GABRG3: variants seen among roughly 807,000 people sequenced by gnomAD.
GABRG3 encodes gamma-aminobutyric acid receptor subunit gamma-3.
A neutral mutation model predicts 48.8 loss-of-function variants in GABRG3; 25 were observed. The observed-to-expected ratio is 0.51, with a 90% CI of 0.37 to 0.72. The LOEUF is 0.72. Ranked by LOEUF, GABRG3 falls within the 30% of genes least tolerant of loss-of-function variation. The probability of loss-of-function intolerance (pLI) is 0.00; values close to 1 mark genes in which losing one functional copy is unlikely to be tolerated. For synonymous variants in GABRG3, 227 were observed against 217.6 expected (o/e 1.04, Z -0.38); for missense variants, 394 against 577.9 (o/e 0.68, Z 3.26).
chr15:27,454,451 A>G (rs1476731488), intron 5 of GABRG3, among the ~76,000 whole-genome samples: 1 of 152,138 alleles, frequency 6.6e-6, no homozygotes, highest in Non-Finnish European at 1.5e-5. Flanking sequence ...AAACTGAAAA[A>G]CATGGTAGAA....
At chr15:27,193,497 C>T (rs1440186306) in intron 3 of GABRG3, among the ~76,000 whole-genome samples, 1 of 151,954 alleles carries the variant, frequency 6.6e-6, no homozygotes, top group Non-Finnish European at 1.5e-5. Context: ...ATCAGCGAGA[C>T]TCCGTGGGCG....
chr15:27,450,501 C>T (rs1889076816), intron 5 of GABRG3, among the ~76,000 whole-genome samples: 1 of 151,918 alleles, frequency 6.6e-6, no homozygotes, highest in South Asian at 2.1e-4. Context: ...AAGCATTTGC[C>T]AAAAATTCAA....
rs77615919 is a variant in GABRG3 at position 27,415,785 on chromosome 15, G to C, written c.575-64865G>C. On this transcript the variant is annotated intron_variant, in intron 5 of 9. Transcript: ENST00000615808. The stretch of plus-strand genomic sequence containing the variant: ...AAGACCCCAATTCACTCTGCCAAAA[G>C]AAAGATTAAGCTGGAAGTGGGGCCA... 5.0e-3 allele frequency among the ~76,000 whole-genome samples: 767 copies of C among 152,304 alleles called. 2 individuals are homozygous for C. Among genetic ancestry groups the C allele is most frequent in the South Asian group, 9.9e-3 (48 of 4,826 alleles).
intron 3 of GABRG3, among the ~76,000 whole-genome samples, chr15:27,277,327 G>T (rs941386411): frequency 6.6e-5 from 10 of 152,314 alleles, no homozygotes; most frequent in Non-Finnish European, 8.8e-5. Flanking sequence ...CTGTTTTCCA[G>T]CCTTCTCTCC....
intron 2 of GABRG3, among the ~76,000 whole-genome samples, chr15:26,980,267 T>A (rs2140637343): frequency 6.6e-6 from 1 of 152,330 alleles, no homozygotes; most frequent in African/African-American, 2.4e-5. Context: ...ACTTTTTGTA[T>A]GATAGTTTTT....
chr15:26,998,920 G>A (rs1278841258), intron 2 of GABRG3, among the ~76,000 whole-genome samples: 1 of 152,038 alleles, frequency 6.6e-6, no homozygotes, highest in African/African-American at 2.4e-5. Flanking sequence ...GATTTTAAAT[G>A]CTTTAAAAAA....
intron 3 of GABRG3, among the ~76,000 whole-genome samples, chr15:27,088,856 A>G (rs566361665): frequency 1.3e-5 from 2 of 152,092 alleles, no homozygotes; most frequent in Non-Finnish European, 2.9e-5. Flanking sequence ...TGCACTTTGC[A>G]GTAGAGGACT....
At chr15:27,254,771 A>C (rs1890560876) in intron 3 of GABRG3, among the ~76,000 whole-genome samples, 1 of 151,932 alleles carries the variant, frequency 6.6e-6, no homozygotes, top group Non-Finnish European at 1.5e-5. Context: ...TTTGGGGGGG[A>C]CACAAACACC....
intron 3 of GABRG3, among the ~76,000 whole-genome samples, chr15:27,055,524 C>A (rs1210359011): frequency 2.0e-5 from 3 of 152,174 alleles, no homozygotes; most frequent in Non-Finnish European, 4.4e-5. Flanking sequence ...AAATCCCACA[C>A]CTGACCTCAC....
chr15:27,104,826 C>T (rs563688708), intron 3 of GABRG3, among the ~76,000 whole-genome samples: 1 of 152,286 alleles, frequency 6.6e-6, no homozygotes, highest in Non-Finnish European at 1.5e-5. Flanking sequence ...CTATGTGGAA[C>T]TATACATTTT....
chr15:27,174,588 C>A (rs1483030570), intron 3 of GABRG3, among the ~76,000 whole-genome samples: 1 of 100,384 alleles, frequency 1.0e-5, no homozygotes, highest in East Asian at 3.5e-4. Context: ...TCTCTCGTCT[C>A]TCTCTCTCTC....
chr15:26,972,675 G>T (rs1683892479), intron 1 of GABRG3, among the ~76,000 whole-genome samples: 2 of 152,180 alleles, frequency 1.3e-5, no homozygotes, highest in Admixed American at 1.3e-4. Context: ...ATGCCAGGAG[G>T]CCTTGCCTTT....
chr15:27,432,407 T>C (rs1010601329), intron 5 of GABRG3, among the ~76,000 whole-genome samples: 1 of 152,190 alleles, frequency 6.6e-6, no homozygotes, highest in South Asian at 2.1e-4. Context: ...ACATTTACAC[T>C]GTCTTTTACA....
chr15:27,140,263 C>T lies in GABRG3; in HGVS notation c.270+113442C>T, dbSNP rs73371688. Among the ~76,000 whole-genome samples, 1,101 of 152,174 alleles carry T rather than the reference C, an allele frequency of 7.2e-3. 20 individuals carry two copies. The highest frequency in any genetic ancestry group is 0.025 in the African/African-American group (1,055 of 41,492). On this transcript the variant is annotated intron_variant, in intron 3 of 9. Transcript: ENST00000615808. ...GCGGGGCAGTCTTGGAGACTGAGCC[C>T]TCAACCCGTGAGGGCTGACGCTATC...
At chr15:27,177,012 T>C (rs56120010) in intron 3 of GABRG3, among the ~76,000 whole-genome samples, 42,501 of 152,012 alleles carry the variant, frequency 0.28, 7,287 homozygotes, top group Non-Finnish European at 0.39. Flanking sequence ...TGCAAGGCTA[T>C]TTAGTGGGAG....
intron 5 of GABRG3, among the ~76,000 whole-genome samples, chr15:27,430,025 A>G (rs973969426): frequency 2.0e-5 from 3 of 152,198 alleles, no homozygotes; most frequent in East Asian, 1.9e-4. Context: ...TGAGCAGTGT[A>G]AGGGGGTTTC....
At position 27,142,231 on chromosome 15, in the gene GABRG3, T is replaced by C. The variant is rs73371692; in HGVS notation, c.270+115410T>C. 7.3e-3 allele frequency among the ~76,000 whole-genome samples: 1,107 copies of C among 152,286 alleles called. 21 individuals carry two copies. The highest frequency in any genetic ancestry group is 0.026 in the African/African-American group (1,061 of 41,556). On this transcript the variant is annotated intron_variant, in intron 3 of 9. Coordinates refer to ENST00000615808, the MANE Select transcript of GABRG3 (RefSeq NM_033223.5). ...GTCTGATAACTACTCTGTTTAAGAG[T>C]AGAACAATGTATTAGTCCGTTTTCA... is the stretch of plus-strand genomic sequence containing the variant.
intron 3 of GABRG3, among the ~76,000 whole-genome samples, chr15:27,279,078 C>G: frequency 6.6e-6 from 1 of 152,120 alleles, no homozygotes; most frequent in East Asian, 1.9e-4. Context: ...ATCAGTATCT[C>G]CTCTTTTGTG....
intron 3 of GABRG3, among the ~76,000 whole-genome samples, chr15:27,065,880 C>G (rs1415237118): frequency 6.6e-6 from 1 of 152,206 alleles, no homozygotes; most frequent in Non-Finnish European, 1.5e-5. Flanking sequence ...AGCTGCAACA[C>G]TGTGTGGACT....
Sources: allele counts gnomAD v4.1 joint callset (sites outside exome capture counted in the v4.1 genomes callset), GRCh38; gene constraint gnomAD v4.1.1; transcripts MANE v1.5; gene names NCBI Gene and HGNC (gene_info 2026-07-23, HGNC 2026-07-21).